Variants in GTF3C4 observed in about 807,000 individuals in gnomAD.
GTF3C4 encodes general transcription factor 3C polypeptide 4.
GTF3C4 carries 28 observed loss-of-function variants against 67.5 expected under a neutral mutation model. The observed-to-expected ratio is 0.41, with a 90% CI of 0.31 to 0.57. The LOEUF (loss-of-function observed/expected upper bound fraction) is 0.57. Ranked by LOEUF, GTF3C4 falls within the 20% of genes least tolerant of loss-of-function variation. The pLI, the probability that GTF3C4 is intolerant of heterozygous loss-of-function variation, is 0.21. For synonymous variants in GTF3C4, 409 were observed against 393.0 expected, an observed-to-expected ratio of 1.04 and a Z score of -0.48; for missense variants, 831 against 1,033.2, an observed-to-expected ratio of 0.80 and a Z score of 2.68.
Position 132,670,680 on chromosome 9 carries a change from G to A in GTF3C4, c.82G>A (p.Gly28Ser), listed in dbSNP as rs770323812. Reference sequence around the variant, plus strand: ...TGGGGAGGAGGAGGGAGAGGGGGGCGGCGAGGCGGGCGGGAAGGAGCCAGC... The same window carrying A: ...TGGGGAGGAGGAGGGAGAGGGGGGCAGCGAGGCGGGCGGGAAGGAGCCAGC... ...PSGEEEGEGG[G>S]EAGGKEPAAD... The change falls in exon 1 of 5, where the codon GGC (glycine) becomes AGC (serine). Residue 28 changes from glycine to serine, a missense_variant. This residue lies in a region of GTF3C4 where 237 missense variants were observed against 212.7 expected (regional missense o/e 1.11). Coordinates refer to ENST00000372146, the MANE Select transcript of GTF3C4 (RefSeq NM_012204.4). 10 of 1,508,226 alleles carry A rather than the reference G, an allele frequency of 6.6e-6. No individual in the cohort carries two copies. Among genetic ancestry groups the A allele is most frequent in the Middle Eastern group, 4.6e-4 (2 of 4,328 alleles). The allele number at this position is 1,508,226 out of a possible 1,614,324, so 93.4% of individuals were successfully genotyped here.
In GTF3C4 at chr9:132,670,670, A is replaced by AGAGGGGGGCGGC. The variant is rs1295463636; in HGVS notation, c.77_88dup (p.Gly26_Glu29dup). ...CTGCGCCGTCTGGGGAGGAGGAGGG[A>AGAGGGGGGCGGC]GAGGGGGGCGGCGAGGCGGGCGGGA... is the stretch of plus-strand genomic sequence containing the variant. On this transcript the variant is annotated inframe_insertion, in exon 1 of 5. Coordinates refer to ENST00000372146, the MANE Select transcript of GTF3C4 (RefSeq NM_012204.4). The AGAGGGGGGCGGC allele has an allele frequency of 2.7e-6, 4 of 1,478,334 alleles. No homozygotes were observed. The African/African-American group carries it at 4.4e-5, about 16-fold the overall frequency. The allele number at this position is 1,478,334 out of a possible 1,614,324, so 91.6% of individuals were successfully genotyped here.
chr9:132,690,252 TGG>T lies in GTF3C4; in HGVS notation c.*1309_*1310del, dbSNP rs1290381962. ...TGAGGCCAGGAGTTCGAGACCAGCC[TGG>T]GCAATATGGCGAGACTCCGTCTCTA... On this transcript the variant is annotated 3_prime_UTR_variant, in exon 5 of 5. Transcript: ENST00000372146. 2.0e-5 allele frequency: 3 copies of T among 152,258 alleles called. No homozygotes were observed. The highest frequency in any genetic ancestry group is 4.4e-5 in the Non-Finnish European group (3 of 68,116). 9.4% of individuals were successfully genotyped at this position (152,258 alleles called of 1,614,324 possible).
intron 1 of GTF3C4, among the ~76,000 whole-genome samples, chr9:132,674,455 T>G (rs545764122): frequency 6.6e-6 from 1 of 152,344 alleles, no homozygotes; most frequent in South Asian, 2.1e-4. Flanking sequence ...TCTGTACTGC[T>G]CTCCATCCTG....
In GTF3C4 at chr9:132,691,405, T is replaced by TA. The variant is rs1166163251; in HGVS notation, c.*2461dup. On this transcript the variant is annotated 3_prime_UTR_variant, in exon 5 of 5. Coordinates refer to ENST00000372146, the MANE Select transcript of GTF3C4 (RefSeq NM_012204.4). ...TACCGTCCTAAAATTTGCCTGATCT[T>TA]ATTTGGTAGATTTCAAGTTGCTTTC... 2 of 152,226 alleles carry TA rather than the reference T, an allele frequency of 1.3e-5. No homozygotes were observed. Among genetic ancestry groups the TA allele is most frequent in the Non-Finnish European group, 2.9e-5 (2 of 68,034 alleles). The allele number at this position is 152,226 out of a possible 1,614,324, so 9.4% of individuals were successfully genotyped here. A position where few individuals can be genotyped will look rare whatever the true frequency, so the allele number is the denominator to read the frequency against.
chr9:132,679,899 C>CT lies in GTF3C4; in HGVS notation c.2184+99dup, dbSNP rs1448859898. On this transcript the variant is annotated intron_variant, in intron 2 of 4. Transcript: ENST00000372146. The surrounding 1 kb of genome is among the most constrained non-coding windows in gnomAD (Gnocchi z 5.9). ...TTGAGTTCCTGAAGCTCAACTTTTGCTTTGACATTTTTTAGGTAATTTATT... is the reference window on the plus strand; with the variant it reads ...TTGAGTTCCTGAAGCTCAACTTTTGCTTTTGACATTTTTTAGGTAATTTATT... 1.4e-5 allele frequency: 17 copies of CT among 1,201,522 alleles called. No individual in the cohort carries two copies. In the East Asian group the frequency reaches 4.1e-4, roughly 29 times the overall value. The allele number at this position is 1,201,522 out of a possible 1,614,324, so 74.4% of individuals were successfully genotyped here.
intron 1 of GTF3C4, among the ~76,000 whole-genome samples, chr9:132,675,898 T>TTA (rs1835857033): frequency 7.6e-6 from 1 of 131,126 alleles, no homozygotes; most frequent in Non-Finnish European, 1.7e-5. Context: ...AGTTACCCTT[T>TTA]TTTTTTTTTT....
chr9:132,682,597 T>TTC (rs1590136961), intron 2 of GTF3C4, among the ~76,000 whole-genome samples: 1 of 134,212 alleles, frequency 7.5e-6, no homozygotes, highest in East Asian at 2.0e-4. Context: ...AGTATAATCT[T>TTC]TTTTTTTTTT....
At position 132,679,955 on chromosome 9, in the gene GTF3C4, C is replaced by T. The variant is rs1835916837; in HGVS notation, c.2184+152C>T. ...GAGGTGCAGGGTAATAAATAGGAAG[C>T]GTGGATTAATGCAGAGGATGCATTC... On this transcript the variant is annotated intron_variant, in intron 2 of 4. Transcript: ENST00000372146. The surrounding 1 kb of genome is among the most constrained non-coding windows in gnomAD (Gnocchi z 5.9). 1.8e-5 allele frequency: 11 copies of T among 611,724 alleles called. No homozygotes were observed. Among genetic ancestry groups the T allele is most frequent in the South Asian group, 1.1e-4 (5 of 44,674 alleles). The allele number at this position is 611,724 out of a possible 1,614,324, so 37.9% of individuals were successfully genotyped here.
chr9:132,689,104 C>T lies in GTF3C4; in HGVS notation c.*159C>T, dbSNP rs467013. Reference sequence around the variant, plus strand: ...GGGCCCCTGGAGCTCATTTCTGAATCGCACTCTCCATTTCCAGAGACTAAA... The same window carrying T: ...GGGCCCCTGGAGCTCATTTCTGAATTGCACTCTCCATTTCCAGAGACTAAA... On this transcript the variant is annotated 3_prime_UTR_variant, in exon 5 of 5. Coordinates refer to ENST00000372146, the MANE Select transcript of GTF3C4 (RefSeq NM_012204.4). The T allele has an allele frequency of 0.088, 54,566 of 620,704 alleles. 5,850 individuals are homozygous for T. The highest frequency in any genetic ancestry group is 0.41 in the African/African-American group (22,161 of 54,440). 38.4% of individuals were successfully genotyped at this position (620,704 alleles called of 1,614,324 possible).
chr9:132,677,971 T>A lies in GTF3C4; in HGVS notation c.358-6T>A, dbSNP rs200124795. 78 of 1,582,420 alleles carry A rather than the reference T, an allele frequency of 4.9e-5. No individual in the cohort carries two copies. In the Middle Eastern group the frequency reaches 5.1e-4, roughly 10 times the overall value. On this transcript the variant is annotated splice_region_variant and splice_polypyrimidine_tract_variant and intron_variant, in intron 1 of 4. Coordinates refer to ENST00000372146, the MANE Select transcript of GTF3C4 (RefSeq NM_012204.4). ...ATCTGATAGTTTTTATATCTCTTAT[T>A]TTCAGGTTGGCTCAAAAACAGAAGT...
upstream of GTF3C4, chr9:132,670,059 C>G (rs745806089): frequency 1.3e-6 from 2 of 1,563,460 alleles, no homozygotes; most frequent in Non-Finnish European, 8.7e-7. Context: ...ACGGCTCCAG[C>G]TGTACGGACT....
Position 132,670,678 on chromosome 9 carries a change from G to T in GTF3C4, c.80G>T (p.Gly27Val). 6.6e-7 allele frequency: 1 copy of T among 1,508,696 alleles called. No individual in the cohort carries two copies. Among genetic ancestry groups the T allele is most frequent in the Non-Finnish European group, 8.8e-7 (1 of 1,136,314 alleles). 93.5% of individuals were successfully genotyped at this position (1,508,696 alleles called of 1,614,324 possible). A position where few individuals can be genotyped will look rare whatever the true frequency, so the allele number is the denominator to read the frequency against. ...TCTGGGGAGGAGGAGGGAGAGGGGGGCGGCGAGGCGGGCGGGAAGGAGCCA... is the reference window on the plus strand; with the variant it reads ...TCTGGGGAGGAGGAGGGAGAGGGGGTCGGCGAGGCGGGCGGGAAGGAGCCA... ...APSGEEEGEG[G>V]GEAGGKEPAA... The change falls in exon 1 of 5, where the codon GGC becomes GTC. Residue 27 changes from glycine (G) to valine (V), a missense_variant. Transcript: ENST00000372146.
intron 1 of GTF3C4, among the ~76,000 whole-genome samples, chr9:132,671,664 G>T (rs1387589121): frequency 6.6e-6 from 1 of 152,176 alleles, no homozygotes; most frequent in South Asian, 2.1e-4. Flanking sequence ...TTGCTTAGAG[G>T]TGTAAAAACT....
Position 132,683,696 on chromosome 9 carries a change from A to C in GTF3C4, c.2315+3A>C, listed in dbSNP as rs1203089371. On this transcript the variant is annotated splice_donor_region_variant and intron_variant, in intron 3 of 4. Transcript: ENST00000372146. ...TCCAATGGCCACATTTGGCTCCGGT[A>C]AGCCATTTTAAAAGTTTCTACTTCT... is the stretch of plus-strand genomic sequence containing the variant. 3 of 1,604,618 alleles carry C rather than the reference A, an allele frequency of 1.9e-6. No individual in the cohort carries two copies. The highest frequency in any genetic ancestry group is 2.5e-6 in the Non-Finnish European group (3 of 1,177,478).
rs1176383695 is a variant in GTF3C4 at position 132,690,198 on chromosome 9, CTT to C, written c.*1255_*1256del. On this transcript the variant is annotated 3_prime_UTR_variant, in exon 5 of 5. Coordinates refer to ENST00000372146, the MANE Select transcript of GTF3C4 (RefSeq NM_012204.4). ...GTGGTGCACACCTGTAATCCCAGCA[CTT>C]TGGGAGGCCGAGGCAGACGGGTCAC... is the stretch of plus-strand genomic sequence containing the variant. 1.3e-5 allele frequency: 2 copies of C among 152,358 alleles called. No individual in the cohort carries two copies. Among genetic ancestry groups the C allele is most frequent in the Non-Finnish European group, 2.9e-5 (2 of 68,184 alleles). 9.4% of individuals were successfully genotyped at this position (152,358 alleles called of 1,614,324 possible).
At position 132,694,732 on chromosome 9, in the gene GTF3C4, A is replaced by G. The variant is rs1188075895; in HGVS notation, c.*5787A>G. The stretch of plus-strand genomic sequence containing the variant: ...TGGCCATTTCTCCAATTGATGAACT[A>G]CCATTGGTTTTAGCTCTTTCTCATT... On this transcript the variant is annotated 3_prime_UTR_variant, in exon 5 of 5. Transcript: ENST00000372146. 1.3e-5 allele frequency: 2 copies of G among 152,096 alleles called. No individual in the cohort carries two copies. The highest frequency in any genetic ancestry group is 4.8e-5 in the African/African-American group (2 of 41,390). The allele number at this position is 152,096 out of a possible 1,614,324, so 9.4% of individuals were successfully genotyped here. A position where few individuals can be genotyped will look rare whatever the true frequency, so the allele number is the denominator to read the frequency against.
At position 132,689,547 on chromosome 9, in the gene GTF3C4, GAAGCC is replaced by G. The variant is rs1836081799; in HGVS notation, c.*606_*610del. 6.6e-6 allele frequency: 1 copy of G among 152,636 alleles called. No homozygotes were observed. The highest frequency in any genetic ancestry group is 6.5e-5 in the Admixed American group (1 of 15,348). 9.5% of individuals were successfully genotyped at this position (152,636 alleles called of 1,614,324 possible). A position where few individuals can be genotyped will look rare whatever the true frequency, so the allele number is the denominator to read the frequency against. ...TCCTAAAACTCTATATTCTTAAGTT[GAAGCC>G]AAGACTAAAATTTAATGTGTCAAAT... On this transcript the variant is annotated 3_prime_UTR_variant, in exon 5 of 5. Coordinates refer to ENST00000372146, the MANE Select transcript of GTF3C4 (RefSeq NM_012204.4).
rs918615140 is a variant in GTF3C4, at chr9:132,693,919, T to C, written c.*4974T>C. On this transcript the variant is annotated 3_prime_UTR_variant, in exon 5 of 5. Coordinates refer to ENST00000372146, the MANE Select transcript of GTF3C4 (RefSeq NM_012204.4). Reference sequence around the variant, plus strand: ...TAGAAAAATAAGTCTGTGTTGTGTATAGTGATACATGTTTTATGTTTACCC... The same window carrying C: ...TAGAAAAATAAGTCTGTGTTGTGTACAGTGATACATGTTTTATGTTTACCC... The C allele has an allele frequency of 1.3e-5, 2 of 152,232 alleles. No homozygotes were observed. Among genetic ancestry groups the C allele is most frequent in the African/African-American group, 4.8e-5 (2 of 41,458 alleles). 9.4% of individuals were successfully genotyped at this position (152,232 alleles called of 1,614,324 possible).
At chr9:132,671,037 CCA>C (rs1835731100) in intron 1 of GTF3C4, 82 bp downstream of exon 1, 1 of 941,274 alleles carries the variant, frequency 1.1e-6, no homozygotes, top group Non-Finnish European at 1.7e-6. Context: ...GAATCCGATC[CCA>C]CACTCTGTCC....
Sources: allele counts gnomAD v4.1 joint callset (sites outside exome capture counted in the v4.1 genomes callset), GRCh38; gene constraint gnomAD v4.1.1; regional missense constraint gnomAD v4.1.1; non-coding constraint Gnocchi (gnomAD v3.1); transcripts MANE v1.5; gene names NCBI Gene and HGNC (gene_info 2026-07-23, HGNC 2026-07-21).